Variants in NUTM2B observed in about 807,000 individuals in gnomAD.
NUTM2B encodes family with sequence similarity 22, member B.
NUTM2B carries 2 observed loss-of-function variants against 42.4 expected under a neutral mutation model. The ratio of observed to expected loss-of-function variants is 0.05; its 90% CI spans 0.02 to 0.15. The LOEUF (loss-of-function observed/expected upper bound fraction) is 0.15, where lower values mean the gene tolerates loss of function less well. Among genes scored for constraint, NUTM2B ranks in the 10% least tolerant of loss-of-function variants. NUTM2B has a pLI of 1.00. For missense variants in NUTM2B, 58 were observed against 952.6 expected, an observed-to-expected ratio of 0.06 and a Z score of 12.36; for synonymous variants, 18 against 402.4, an observed-to-expected ratio of 0.04 and a Z score of 11.43.
At chr10:79,699,450 T>G (rs981603820), upstream of NUTM2B, among the ~76,000 whole-genome samples, 2 of 152,168 alleles carry the variant, frequency 1.3e-5, no homozygotes, top group Admixed American at 1.3e-4. Flanking sequence ...ACCTTCTTTT[T>G]TAGGGGGCGG....
rs1840438220 is a variant in NUTM2B at position 79,708,823 on chromosome 10, GA to G, written c.1211del (p.Lys404SerfsTer19). ...CCGGATGATCTTCTACGAGATGGCG[GA>G]AAAGTGAGTCTGGGGTCCTGGGAGC... On this transcript the variant is annotated frameshift_variant, in exon 3 of 7. Transcript: ENST00000429828. LOFTEE classifies it high-confidence loss of function. 8.1e-6 allele frequency: 11 copies of G among 1,359,486 alleles called. No individual in the cohort carries two copies. The highest frequency in any genetic ancestry group is 1.1e-5 in the Non-Finnish European group (11 of 1,025,696). 84.2% of individuals were successfully genotyped at this position (1,359,486 alleles called of 1,614,324 possible).
At chr10:79,702,494 C>CCCCTG (rs1241271894), upstream of NUTM2B, among the ~76,000 whole-genome samples, 2 of 151,728 alleles carry the variant, frequency 1.3e-5, no homozygotes, top group African/African-American at 4.9e-5. Flanking sequence ...CTTGCCCCTG[C>CCCCTG]CCCTGCCCCT....
intron 3 of NUTM2B, among the ~76,000 whole-genome samples, 166 bp from the exon 4 acceptor site, chr10:79,709,634 G>C (rs959119149): frequency 2.3e-5 from 3 of 133,024 alleles, no homozygotes; most frequent in African/African-American, 8.6e-5. Context: ...GGTGAGCCCG[G>C]AACTCTGGGA....
upstream of NUTM2B, among the ~76,000 whole-genome samples, chr10:79,701,408 TA>T (rs1351417942): frequency 2.0e-5 from 3 of 151,968 alleles, no homozygotes; most frequent in Non-Finnish European, 4.4e-5. Context: ...CAGTTGGCAA[TA>T]AAAAACTAGT....
upstream of NUTM2B, among the ~76,000 whole-genome samples, chr10:79,702,252 T>G (rs1181344913): frequency 2.0e-5 from 3 of 152,118 alleles, no homozygotes; most frequent in African/African-American, 7.3e-5. Context: ...GGCAGTTCTG[T>G]CTCAGAGGAC....
the NUTM2B span, among the ~76,000 whole-genome samples, chr10:79,695,230 GTGCC>G: frequency 6.6e-6 from 1 of 152,106 alleles, no homozygotes; most frequent in South Asian, 2.1e-4. Context: ...TCAGGCCCTT[GTGCC>G]TGAAGACTCC....
chr10:79,705,906 GCA>G (rs1370123033), intron 1 of NUTM2B, 134 bp from the exon 2 acceptor site: 2 of 591,868 alleles, frequency 3.4e-6, no homozygotes, highest in African/African-American at 3.9e-5. Context: ...AGCATCCGAT[GCA>G]CACTCAGGGA....
At chr10:79,694,870 C>T in the NUTM2B span, among the ~76,000 whole-genome samples, 1 of 152,074 alleles carries the variant, frequency 6.6e-6, no homozygotes, top group Non-Finnish European at 1.5e-5. Flanking sequence ...TTGACTCTAC[C>T]CTCCTCACTC....
upstream of NUTM2B, among the ~76,000 whole-genome samples, chr10:79,700,190 A>G (rs1294766785): frequency 6.6e-6 from 1 of 152,270 alleles, no homozygotes; most frequent in Non-Finnish European, 1.5e-5. Context: ...TGCTCCTATC[A>G]GTGACAAATC....
At chr10:79,702,220 G>A (rs1262448778), upstream of NUTM2B, among the ~76,000 whole-genome samples, 23 of 151,756 alleles carry the variant, frequency 1.5e-4, no homozygotes, top group African/African-American at 4.1e-4. Context: ...GTTGCACAGT[G>A]GAAGAGGGCT....
intron 1 of NUTM2B, among the ~76,000 whole-genome samples, 158 bp from the exon 2 acceptor site, chr10:79,705,884 G>A (rs1477640913): frequency 7.5e-5 from 11 of 147,100 alleles, no homozygotes; most frequent in African/African-American, 2.0e-4. Flanking sequence ...GCGACTCTCC[G>A]TGGAGGAACA....
At chr10:79,694,940 G>T in the NUTM2B span, among the ~76,000 whole-genome samples, 1 of 152,106 alleles carries the variant, frequency 6.6e-6, no homozygotes, top group Non-Finnish European at 1.5e-5. Context: ...TTCACCTGCA[G>T]CTCAGGGGTG....
chr10:79,696,964 A>G, the NUTM2B span, among the ~76,000 whole-genome samples: 1 of 131,662 alleles, frequency 7.6e-6, no homozygotes, highest in Non-Finnish European at 1.6e-5. Context: ...ACTTTGCAGT[A>G]ACCTCTCTTG....
intron 3 of NUTM2B, among the ~76,000 whole-genome samples, chr10:79,709,533 G>A (rs1262067933): frequency 4.7e-5 from 6 of 127,994 alleles, no homozygotes; most frequent in Non-Finnish European, 8.2e-5. Context: ...TGGAGGAGGG[G>A]TCCCCCGAGA....
At chr10:79,699,101 A>C (rs3012960), upstream of NUTM2B, among the ~76,000 whole-genome samples, 37,079 of 147,642 alleles carry the variant, frequency 0.25, 5,300 homozygotes, top group East Asian at 0.68. Flanking sequence ...CCCTGAAAAT[A>C]ATGAAAAGAA....
At chr10:79,696,688 G>A in the NUTM2B span, among the ~76,000 whole-genome samples, 2 of 152,264 alleles carry the variant, frequency 1.3e-5, no homozygotes, top group African/African-American at 4.8e-5. Context: ...TCCCTGGGTT[G>A]ACCAGTGCTC....
At chr10:79,694,405 AAAAG>A in the NUTM2B span, among the ~76,000 whole-genome samples, 1 of 151,790 alleles carries the variant, frequency 6.6e-6, no homozygotes, top group Non-Finnish European at 1.5e-5. Context: ...CTCAAAAAAA[AAAAG>A]AAAGAAAGAA....
rs564322781 is a variant in NUTM2B, at chr10:79,709,683, G to C, written c.1212-117G>C. 4,031 of 1,196,804 alleles carry C rather than the reference G, an allele frequency of 3.4e-3. 29 individuals are homozygous for C. Among genetic ancestry groups the C allele is most frequent in the Non-Finnish European group, 4.0e-3 (3,649 of 913,084 alleles). 74.1% of individuals were successfully genotyped at this position (1,196,804 alleles called of 1,614,324 possible). Reference sequence around the variant, plus strand: ...GGGACTGGGGGATGGGACACAGTGAGGGCCTGGACAGCCCACCCGAGGCAC... The same window carrying C: ...GGGACTGGGGGATGGGACACAGTGACGGCCTGGACAGCCCACCCGAGGCAC... On this transcript the variant is annotated intron_variant, in intron 3 of 6. Coordinates refer to ENST00000429828, the Ensembl canonical transcript of NUTM2B.
rs1316033636 is a variant in NUTM2B at position 79,709,499 on chromosome 10, T to C, written c.1212-301T>C. Among the ~76,000 whole-genome samples, 3 of 127,432 alleles carry C rather than the reference T, an allele frequency of 2.4e-5. No homozygotes were observed. In the Admixed American group the frequency reaches 2.5e-4, roughly 10 times the overall value. 83.6% of individuals were successfully genotyped at this position (127,432 alleles called of 152,430 possible). A position where few individuals can be genotyped will look rare whatever the true frequency, so the allele number is the denominator to read the frequency against. On this transcript the variant is annotated intron_variant, in intron 3 of 6. Coordinates refer to ENST00000429828, the Ensembl canonical transcript of NUTM2B. ...CATCCCTGATGCCTTCTGCCATAAA[T>C]CCCACCCCTGGCCAGCTGAAACCTG...
Sources: gnomAD v4.1 joint callset for allele counts (sites outside exome capture counted in the v4.1 genomes callset) on GRCh38, gnomAD v4.1.1 for gene constraint, MANE v1.5 for transcripts, NCBI Gene and HGNC (gene_info 2026-07-23, HGNC 2026-07-21) for gene names.